GPATCH8: variants seen among roughly 807,000 people sequenced by gnomAD.
The protein encoded by GPATCH8 is G-patch domain containing 8.
GPATCH8 carries 18 observed loss-of-function variants against 118.3 expected under a neutral mutation model. That is an observed-to-expected ratio of 0.15 (90% confidence interval 0.11 to 0.23). GPATCH8 has a LOEUF of 0.23. Ranked by LOEUF, GPATCH8 falls within the 10% of genes least tolerant of loss-of-function variation. The pLI, the probability that GPATCH8 is intolerant of heterozygous loss-of-function variation, is 1.00. For missense variants in GPATCH8, 1,631 were observed against 1,873.8 expected, an observed-to-expected ratio of 0.87 and a Z score of 2.39; for synonymous variants, 659 against 684.7, an observed-to-expected ratio of 0.96 and a Z score of 0.59.
At chr17:44,437,956 A>C (rs962675558) in intron 3 of GPATCH8, among the ~76,000 whole-genome samples, 1 of 122,904 alleles carries the variant, frequency 8.1e-6, no homozygotes, top group South Asian at 2.6e-4. Flanking sequence ...AAAAAAAAAA[A>C]AAACAAAACA....
chr17:44,397,967 G>T lies in GPATCH8; in HGVS notation c.4110C>A (p.Thr1370=). ...TGGCATGCTGAACAGTTGTGATGGA[G>T]GTGGCAGAGGCTGTAGCTGGCTGCT... ...HIQQPATASA[T]SITTVQHAIL... The change falls in exon 8 of 8, where the codon ACC becomes ACA. Residue 1370 remains threonine, a synonymous_variant. Transcript: ENST00000591680. The T allele has an allele frequency of 6.2e-7, 1 of 1,614,104 alleles. No homozygotes were observed. Among genetic ancestry groups the T allele is most frequent in the Non-Finnish European group, 8.5e-7 (1 of 1,179,964 alleles).
intron 5 of GPATCH8, among the ~76,000 whole-genome samples, chr17:44,432,650 T>C (rs2050361665): frequency 1.3e-5 from 2 of 152,060 alleles, no homozygotes; most frequent in Non-Finnish European, 1.5e-5. Flanking sequence ...TGTGTGGTGC[T>C]AGAGGGGAAA....
At chr17:44,420,942 C>T (rs1296030595) in intron 6 of GPATCH8, among the ~76,000 whole-genome samples, 1 of 151,928 alleles carries the variant, frequency 6.6e-6, no homozygotes, top group African/African-American at 2.4e-5. Flanking sequence ...TCACTGCAAC[C>T]TCCACCTCCC....
intron 1 of GPATCH8, among the ~76,000 whole-genome samples, chr17:44,497,699 G>A (rs575148708): frequency 4.0e-5 from 6 of 148,324 alleles, no homozygotes; most frequent in African/African-American, 7.5e-5. Flanking sequence ...CAGCACTTTG[G>A]GGGGCTGAGG....
At chr17:44,453,530 T>TGTGTGCGCGCGCGCGCGC (rs1052518435) in intron 3 of GPATCH8, among the ~76,000 whole-genome samples, 1 of 150,448 alleles carries the variant, frequency 6.6e-6, no homozygotes, top group African/African-American at 2.5e-5. Context: ...TGTGTGTGTG[T>TGTGTGCGCGCGCGCGCGC]GCAGGCGCGC....
intron 6 of GPATCH8, among the ~76,000 whole-genome samples, chr17:44,421,733 C>CT (rs1205561070): frequency 0.039 from 5,363 of 138,858 alleles, 236 homozygotes; most frequent in African/African-American, 0.11. Context: ...TTTCTTTTTT[C>CT]TTTTTTTTTT....
At chr17:44,486,193 G>A (rs1598621291) in intron 1 of GPATCH8, 1 of 152,154 alleles carries the variant, frequency 6.6e-6, no homozygotes, top group South Asian at 2.1e-4. Context: ...GTTAACCAAG[G>A]TAAAGACTCA....
At chr17:44,494,719 G>T (rs1205589537) in intron 1 of GPATCH8, among the ~76,000 whole-genome samples, 2 of 152,114 alleles carry the variant, frequency 1.3e-5, no homozygotes. Flanking sequence ...TTAACTATAT[G>T]GGTATAGCAC....
chr17:44,424,099 G>T (rs1353696259), intron 6 of GPATCH8, among the ~76,000 whole-genome samples: 2 of 152,060 alleles, frequency 1.3e-5, no homozygotes, highest in Non-Finnish European at 2.9e-5. Flanking sequence ...TCAATAAAAG[G>T]CAAAAACATT....
chr17:44,500,963 C>A (rs1027954746), intron 1 of GPATCH8, among the ~76,000 whole-genome samples: 1 of 152,082 alleles, frequency 6.6e-6, no homozygotes, highest in Non-Finnish European at 1.5e-5. Flanking sequence ...TGTATTTTCC[C>A]TTTATTAAAA....
intron 3 of GPATCH8, among the ~76,000 whole-genome samples, chr17:44,450,178 T>C (rs1235350576): frequency 6.6e-6 from 1 of 152,220 alleles, no homozygotes; most frequent in East Asian, 1.9e-4. Flanking sequence ...AAGTAGTAAC[T>C]TGCGGTTCAA....
rs556462022 is a variant in GPATCH8 at position 44,409,752 on chromosome 17, G to A, written c.493-3701C>T. Among the ~76,000 whole-genome samples the A allele has an allele frequency of 3.9e-5, 6 of 152,242 alleles. No homozygotes were observed. The South Asian group carries it at 1.0e-3, about 26-fold the overall frequency. On this transcript the variant is annotated intron_variant, in intron 6 of 7. Transcript: ENST00000591680. ...AACAAGATTAAATGTCAAAATAAATGTAAAGCATTTAATAAGTCACAACTG... is the reference window on the plus strand; with the variant it reads ...AACAAGATTAAATGTCAAAATAAATATAAAGCATTTAATAAGTCACAACTG...
chr17:44,426,122 A>C (rs773720153), intron 5 of GPATCH8, among the ~76,000 whole-genome samples: 20 of 152,208 alleles, frequency 1.3e-4, no homozygotes, highest in Non-Finnish European at 2.5e-4. Context: ...ATGGCAAAAC[A>C]TATATCCTGT....
At chr17:44,402,324 CAAAAAA>C (rs61316944) in intron 7 of GPATCH8, among the ~76,000 whole-genome samples, 8 of 41,904 alleles carry the variant, frequency 1.9e-4, no homozygotes, top group African/African-American at 6.3e-4. Flanking sequence ...GACTCTGTCT[CAAAAAA>C]AAAAAAAAAA....
intron 1 of GPATCH8, among the ~76,000 whole-genome samples, chr17:44,495,150 A>G (rs1262390738): frequency 6.6e-6 from 1 of 152,120 alleles, no homozygotes; most frequent in Admixed American, 6.6e-5. Flanking sequence ...CCTGACCTAC[A>G]TGATGAAACC....
In GPATCH8 at chr17:44,397,257, G is replaced by A; in HGVS notation, c.*311C>T. The stretch of plus-strand genomic sequence containing the variant: ...CAGAGGAAAAAAGCAGAGGGAGGAG[G>A]GGATTATCTAAACTTGACAGTTTGG... On this transcript the variant is annotated 3_prime_UTR_variant, in exon 8 of 8. Transcript: ENST00000591680. 1.8e-6 allele frequency: 1 copy of A among 546,860 alleles called. No individual in the cohort carries two copies. Among genetic ancestry groups the A allele is most frequent in the African/African-American group, 1.9e-5 (1 of 53,382 alleles). The allele number at this position is 546,860 out of a possible 1,614,324, so 33.9% of individuals were successfully genotyped here. A position where few individuals can be genotyped will look rare whatever the true frequency, so the allele number is the denominator to read the frequency against.
In GPATCH8 at chr17:44,397,323, C is replaced by G; in HGVS notation, c.*245G>C. ...GGGGTGGGTAGCACTTACTGGTGTT[C>G]CCTAGCTTAGAAACACAGAAGAGGG... On this transcript the variant is annotated 3_prime_UTR_variant, in exon 8 of 8. Transcript: ENST00000591680. The G allele has an allele frequency of 1.5e-6, 1 of 661,342 alleles. No homozygotes were observed. Among genetic ancestry groups the G allele is most frequent in the Non-Finnish European group, 2.8e-6 (1 of 359,672 alleles). 41.0% of individuals were successfully genotyped at this position (661,342 alleles called of 1,614,324 possible).
At chr17:44,419,152 G>C (rs1567962160) in intron 6 of GPATCH8, among the ~76,000 whole-genome samples, 1 of 152,178 alleles carries the variant, frequency 6.6e-6, no homozygotes, top group Non-Finnish European at 1.5e-5. Context: ...GTATGTTTAG[G>C]ATCCTGCCTC....
intron 3 of GPATCH8, among the ~76,000 whole-genome samples, chr17:44,444,505 G>T (rs1259178077): frequency 6.6e-6 from 1 of 152,132 alleles, no homozygotes; most frequent in African/African-American, 2.4e-5. Context: ...AGGCATGGTG[G>T]CTCACGGCTG....
Sources: allele counts gnomAD v4.1 joint callset (sites outside exome capture counted in the v4.1 genomes callset), GRCh38; gene constraint gnomAD v4.1.1; transcripts MANE v1.5; gene names NCBI Gene and HGNC (gene_info 2026-07-23, HGNC 2026-07-21).